MECOM: variants seen among roughly 807,000 people sequenced by gnomAD.
MECOM encodes MDS1 and EVI1 complex locus.
MECOM carries 13 observed loss-of-function variants against 116.3 expected under a neutral mutation model. The observed-to-expected ratio is 0.11, with a 90% confidence interval of 0.07 to 0.18. MECOM has a LOEUF of 0.18. Among genes scored for constraint, MECOM ranks in the 10% least tolerant of loss-of-function variants. The pLI, the probability that MECOM is intolerant of heterozygous loss-of-function variation, is 1.00. For missense variants in MECOM, 1,299 were observed against 1,509.0 expected, an observed-to-expected ratio of 0.86 and a Z score of 2.31; for synonymous variants, 528 against 535.2, an observed-to-expected ratio of 0.99 and a Z score of 0.19.
intron 2 of MECOM, chr3:169,146,646 G>C: frequency 2.2e-6 from 3 of 1,361,328 alleles, no homozygotes; most frequent in East Asian, 4.0e-5. Flanking sequence ...ACGGTGCCCC[G>C]GCAGGAAACT....
intron 1 of MECOM, among the ~76,000 whole-genome samples, chr3:169,634,655 C>A (rs1772500372): frequency 6.6e-6 from 1 of 152,100 alleles, no homozygotes; most frequent in Admixed American, 6.5e-5. Context: ...GAACAAAGGG[C>A]CAAAGTTCTC....
Position 169,116,089 on chromosome 3 carries a change from T to C in MECOM, c.1783A>G (p.Thr595Ala). 2.5e-6 allele frequency: 4 copies of C among 1,614,206 alleles called. No individual in the cohort carries two copies. The highest frequency in any genetic ancestry group is 3.4e-6 in the Non-Finnish European group (4 of 1,180,036). The change falls in exon 8 of 17, where the codon ACA (threonine) becomes GCA (alanine). Residue 595 changes from threonine (T) to alanine (A), a missense_variant. Thr to Ala is a moderately conservative substitution (Grantham distance 58). Around this residue, in one of 6 missense-constraint regions of MECOM, gnomAD observed 238 missense variants for 273.1 expected, o/e 0.87. Transcript: ENST00000651503. The stretch of plus-strand genomic sequence containing the variant: ...CTTTCCAGATCAGAGCCCGAGGTTG[T>C]TTCCAGGTCACTGCCACTTGGTGTA... Reference protein sequence around the residue: ...VSTPSGSDLETTSGSDLESDI... With the variant: ...VSTPSGSDLEATSGSDLESDI...
At chr3:169,406,495 A>T (rs1736710969) in intron 1 of MECOM, among the ~76,000 whole-genome samples, 1 of 152,200 alleles carries the variant, frequency 6.6e-6, no homozygotes, top group Non-Finnish European at 1.5e-5. Context: ...TCTGCATATA[A>T]ACTCAAGAAA....
chr3:169,247,589 C>A (rs1755756124), intron 2 of MECOM, among the ~76,000 whole-genome samples: 1 of 152,222 alleles, frequency 6.6e-6, no homozygotes, highest in East Asian at 1.9e-4. Context: ...CAGGCGTGAG[C>A]CACTGTACCA....
At chr3:169,571,423 A>G (rs373308510) in intron 1 of MECOM, among the ~76,000 whole-genome samples, 377 of 152,366 alleles carry the variant, frequency 2.5e-3, no homozygotes, top group African/African-American at 8.8e-3. Context: ...TGCCCAAAGT[A>G]ATTTATAGAT....
At chr3:169,473,080 G>T (rs919496462) in intron 1 of MECOM, 6 of 409,792 alleles carry the variant, frequency 1.5e-5, no homozygotes, top group African/African-American at 1.3e-4. Context: ...TCCAAAAGGA[G>T]GTCCACCACA....
intron 1 of MECOM, among the ~76,000 whole-genome samples, chr3:169,509,936 A>G (rs1053694512): frequency 2.0e-5 from 3 of 152,222 alleles, no homozygotes; most frequent in Non-Finnish European, 4.4e-5. Flanking sequence ...CTCTTGACTC[A>G]CTTTGTACCA....
chr3:169,507,649 G>GTTTTTTTTTTTTT (rs1491033517), intron 1 of MECOM, among the ~76,000 whole-genome samples: 10 of 65,072 alleles, frequency 1.5e-4, no homozygotes, highest in Non-Finnish European at 1.8e-4. Context: ...ATCCCCACTT[G>GTTTTTTTTTTTTT]CTTTTTTTTT....
chr3:169,436,192 A>G (rs556753418), intron 1 of MECOM, among the ~76,000 whole-genome samples: 1 of 151,130 alleles, frequency 6.6e-6, no homozygotes, highest in African/African-American at 2.4e-5. Flanking sequence ...TATGTTTTGC[A>G]ATTGGTTCTG....
At chr3:169,332,199 C>G (rs548210964) in intron 2 of MECOM, among the ~76,000 whole-genome samples, 1 of 152,164 alleles carries the variant, frequency 6.6e-6, no homozygotes, top group East Asian at 1.9e-4. Flanking sequence ...TAGGTAGGAC[C>G]TTGTCCTAGA....
intron 2 of MECOM, among the ~76,000 whole-genome samples, chr3:169,199,729 T>G (rs1012495931): frequency 1.3e-5 from 2 of 152,218 alleles, no homozygotes; most frequent in Middle Eastern, 3.4e-3. Context: ...AATAAAATTC[T>G]TATAACAATC....
Position 169,157,810 on chromosome 3 carries a change from G to T in MECOM, c.376-13978C>A, listed in dbSNP as rs138064452. Among the ~76,000 whole-genome samples the T allele has an allele frequency of 1.3e-3, 193 of 152,260 alleles. 1 individual carries two copies. In the East Asian group the frequency reaches 0.032, roughly 26 times the overall value. On this transcript the variant is annotated intron_variant, in intron 2 of 16. Coordinates refer to ENST00000651503, the MANE Select transcript of MECOM (RefSeq NM_004991.4). ...TAACACAGTGCCCTACAACTAGAAG[G>T]GGGGGATGCCAGAAGGGACATGAAT...
At chr3:169,326,370 T>C (rs1327060719) in intron 2 of MECOM, among the ~76,000 whole-genome samples, 1 of 133,592 alleles carries the variant, frequency 7.5e-6, no homozygotes, top group Non-Finnish European at 1.7e-5. Context: ...ACATTTTCCT[T>C]GTGTACAAGT....
intron 2 of MECOM, among the ~76,000 whole-genome samples, chr3:169,373,029 A>C (rs1445322633): frequency 6.6e-6 from 1 of 151,982 alleles, no homozygotes; most frequent in Non-Finnish European, 1.5e-5. Flanking sequence ...AACTCTAAAA[A>C]GTTATTTCTA....
At chr3:169,166,576 A>G (rs1743625921) in intron 2 of MECOM, among the ~76,000 whole-genome samples, 1 of 152,226 alleles carries the variant, frequency 6.6e-6, no homozygotes, top group Admixed American at 6.5e-5. Flanking sequence ...ATGTCAAATC[A>G]ATATAAAACC....
chr3:169,085,554 A>G (rs1051123080), intron 16 of MECOM, among the ~76,000 whole-genome samples: 1 of 152,174 alleles, frequency 6.6e-6, no homozygotes, highest in Admixed American at 6.5e-5. Flanking sequence ...TAGTGGGAGA[A>G]GCATAACTAA....
intron 1 of MECOM, among the ~76,000 whole-genome samples, chr3:169,491,474 A>G (rs955383457): frequency 1.1e-4 from 16 of 152,226 alleles, no homozygotes; most frequent in Non-Finnish European, 1.9e-4. Flanking sequence ...TTCACAAAAG[A>G]AAAGGCACTA....
chr3:169,321,378 A>C (rs1720826066), intron 2 of MECOM, among the ~76,000 whole-genome samples: 2 of 152,114 alleles, frequency 1.3e-5, no homozygotes, highest in Non-Finnish European at 2.9e-5. Context: ...AGTCTCTACT[A>C]TAAATCCCAA....
In MECOM at chr3:169,382,065, T is replaced by C. The variant is rs1427491634; in HGVS notation, c.38-541A>G. ...GTTTTTTCTTTCTCTATATTTCCTT[T>C]CCAATTTTGAACATGTCACCAAGCC... On this transcript the variant is annotated intron_variant, in intron 1 of 16. Coordinates refer to ENST00000651503, the MANE Select transcript of MECOM (RefSeq NM_004991.4). Among the ~76,000 whole-genome samples, 4 of 152,200 alleles carry C rather than the reference T, an allele frequency of 2.6e-5. No individual in the cohort carries two copies. In the East Asian group the frequency reaches 7.7e-4, roughly 29 times the overall value.
Sources: gnomAD v4.1 joint callset for allele counts (sites outside exome capture counted in the v4.1 genomes callset) on GRCh38, gnomAD v4.1.1 for gene constraint, gnomAD v4.1.1 regional missense constraint, MANE v1.5 for transcripts, NCBI Gene and HGNC (gene_info 2026-07-23, HGNC 2026-07-21) for gene names.